Variants in RBMS3 observed in about 807,000 individuals in gnomAD.
The protein encoded by RBMS3 is RNA-binding motif, single-stranded-interacting protein 3.
In RBMS3, 27 loss-of-function variants were observed where a neutral mutation model predicts 66.8. The observed-to-expected ratio is 0.40, with a 90% CI of 0.30 to 0.56. RBMS3 has a LOEUF of 0.56. RBMS3 is among the 20% of genes least tolerant of loss of function. The pLI, the probability that RBMS3 is intolerant of heterozygous loss-of-function variation, is 0.40. For missense variants in RBMS3, 513 were observed against 549.5 expected (o/e 0.93, Z 0.66); for synonymous variants, 188 against 183.0 (o/e 1.03, Z -0.22).
intron 12 of RBMS3, among the ~76,000 whole-genome samples, chr3:29,977,622 G>T (rs1476596327): frequency 1.3e-5 from 2 of 152,022 alleles, no homozygotes; most frequent in South Asian, 2.1e-4. Context: ...GTTTGAAAAT[G>T]GTTATTCAGT....
At chr3:29,486,900 A>T (rs2043341231) in intron 2 of RBMS3, among the ~76,000 whole-genome samples, 1 of 152,156 alleles carries the variant, frequency 6.6e-6, no homozygotes. Flanking sequence ...CTGGTGTAAG[A>T]TAGTTATACC....
At position 29,806,658 on chromosome 3, in the gene RBMS3, ATGTC is replaced by A. The variant is rs571585031; in HGVS notation, c.637+43673_637+43676del. 1.2e-3 allele frequency among the ~76,000 whole-genome samples: 182 copies of A among 152,052 alleles called. 1 individual carries two copies. The highest frequency in any genetic ancestry group is 3.4e-3 in the Middle Eastern group (1 of 294). On this transcript the variant is annotated intron_variant, in intron 6 of 14. Coordinates refer to ENST00000383767, the MANE Select transcript of RBMS3 (RefSeq NM_001003793.3). ...TAAAGGTTGCTTTAGTCTCTTCACTATGTCTGTTCATAGAATCCGGCCTATTATA... is the reference window on the plus strand; with the variant it reads ...TAAAGGTTGCTTTAGTCTCTTCACTATGTTCATAGAATCCGGCCTATTATA...
chr3:30,000,167 G>T (rs1467715637), intron 14 of RBMS3, among the ~76,000 whole-genome samples: 2 of 151,920 alleles, frequency 1.3e-5, no homozygotes, highest in Non-Finnish European at 1.5e-5. Flanking sequence ...CTAATATCCA[G>T]AATCTACAAA....
intron 4 of RBMS3, among the ~76,000 whole-genome samples, chr3:29,603,332 A>T (rs1231780166): frequency 1.3e-5 from 2 of 152,030 alleles, no homozygotes; most frequent in East Asian, 3.9e-4. Flanking sequence ...TTAATGTATT[A>T]GAGCTCTTTC....
chr3:29,404,501 A>G (rs1251624181), intron 1 of RBMS3, among the ~76,000 whole-genome samples: 1 of 152,146 alleles, frequency 6.6e-6, no homozygotes, highest in Non-Finnish European at 1.5e-5. Flanking sequence ...AGTGAAGAGC[A>G]TGTTTTAGCT....
chr3:29,527,793 C>A (rs1417027841), intron 3 of RBMS3, among the ~76,000 whole-genome samples: 1 of 141,730 alleles, frequency 7.1e-6, no homozygotes, highest in Non-Finnish European at 1.5e-5. Context: ...TCCCTCCCCC[C>A]TCCCCCTACC....
chr3:29,688,564 A>ATTTTTTTTTTTT (rs55943638), intron 4 of RBMS3, among the ~76,000 whole-genome samples: 3 of 67,130 alleles, frequency 4.5e-5, no homozygotes, highest in African/African-American at 2.3e-4. Flanking sequence ...AAGTTACAGG[A>ATTTTTTTTTTTT]TTTTTTTTTT....
intron 1 of RBMS3, among the ~76,000 whole-genome samples, chr3:29,410,884 CAG>C (rs753112616): frequency 1.1e-4 from 16 of 150,106 alleles, no homozygotes; most frequent in African/African-American, 3.2e-4. Context: ...TTGGGAAAGA[CAG>C]GGGCACGGTG....
At chr3:29,521,474 G>T (rs1303540037) in intron 3 of RBMS3, among the ~76,000 whole-genome samples, 2 of 152,198 alleles carry the variant, frequency 1.3e-5, no homozygotes, top group Non-Finnish European at 2.9e-5. Context: ...GAATACAGCA[G>T]TAATCCTATA....
At chr3:29,834,239 T>A (rs1005967887) in intron 6 of RBMS3, among the ~76,000 whole-genome samples, 1 of 152,000 alleles carries the variant, frequency 6.6e-6, no homozygotes, top group Non-Finnish European at 1.5e-5. Flanking sequence ...ATTAGTAACA[T>A]GAAAACAAAC....
intron 12 of RBMS3, among the ~76,000 whole-genome samples, chr3:29,962,027 T>C (rs189776372): frequency 6.9e-6 from 1 of 145,846 alleles, no homozygotes; most frequent in African/African-American, 2.5e-5. Context: ...ATATATATTT[T>C]GTATGTATAA....
intron 4 of RBMS3, among the ~76,000 whole-genome samples, chr3:29,649,747 T>C (rs2050074553): frequency 6.6e-6 from 1 of 152,194 alleles, no homozygotes. Flanking sequence ...TTTCTTAACT[T>C]CCACATGAAA....
chr3:30,000,798 A>G (rs530232319), intron 14 of RBMS3, among the ~76,000 whole-genome samples: 7 of 152,148 alleles, frequency 4.6e-5, no homozygotes, highest in Non-Finnish European at 7.4e-5. Flanking sequence ...ACAGAAAACC[A>G]AACACTGCAT....
chr3:29,545,042 G>T (rs952877701), intron 3 of RBMS3, among the ~76,000 whole-genome samples: 1 of 152,078 alleles, frequency 6.6e-6, no homozygotes, highest in Admixed American at 6.5e-5. Flanking sequence ...GATATTATCT[G>T]TAAGGACATT....
intron 4 of RBMS3, among the ~76,000 whole-genome samples, chr3:29,702,395 T>G (rs1474587540): frequency 6.6e-6 from 1 of 152,074 alleles, no homozygotes; most frequent in Non-Finnish European, 1.5e-5. Context: ...ACCAATCAGG[T>G]CTCTGTAAAA....
At chr3:29,555,169 T>G (rs1029204265) in intron 3 of RBMS3, among the ~76,000 whole-genome samples, 1 of 152,208 alleles carries the variant, frequency 6.6e-6, no homozygotes, top group Non-Finnish European at 1.5e-5. Context: ...ATTGAGAGCC[T>G]ACTTTGTGCT....
At chr3:29,442,286 T>C (rs1171120036) in intron 2 of RBMS3, among the ~76,000 whole-genome samples, 1 of 152,156 alleles carries the variant, frequency 6.6e-6, no homozygotes, top group Non-Finnish European at 1.5e-5. Flanking sequence ...TCCTAGTGTT[T>C]TGGGGGCATC....
intron 1 of RBMS3, among the ~76,000 whole-genome samples, chr3:29,383,099 G>A (rs2038846874): frequency 6.6e-6 from 1 of 152,162 alleles, no homozygotes; most frequent in Non-Finnish European, 1.5e-5. Context: ...AGCCTCTAGG[G>A]CAACAAGGTC....
intron 2 of RBMS3, among the ~76,000 whole-genome samples, chr3:29,457,559 T>A (rs966221973): frequency 6.6e-6 from 1 of 151,118 alleles, no homozygotes; most frequent in Non-Finnish European, 1.5e-5. Context: ...TTGTCTCTAC[T>A]AAATATACAA....
Sources: allele counts gnomAD v4.1 joint callset (sites outside exome capture counted in the v4.1 genomes callset), GRCh38; gene constraint gnomAD v4.1.1; transcripts MANE v1.5; gene names NCBI Gene and HGNC (gene_info 2026-07-23, HGNC 2026-07-21).